Variants in ATP8A1 observed in about 807,000 individuals in gnomAD.
ATP8A1 encodes phospholipid-transporting ATPase IA.
Under a neutral mutation model 177.7 loss-of-function variants are expected in ATP8A1, and 90 were observed. That is an observed-to-expected ratio of 0.51 (90% CI 0.43 to 0.60). The LOEUF (loss-of-function observed/expected upper bound fraction) is 0.60, where lower values mean the gene tolerates loss of function less well. Ranked by LOEUF, ATP8A1 falls within the 20% of genes least tolerant of loss-of-function variation. The pLI is 0.00. For missense variants in ATP8A1, 1,072 were observed against 1,392.8 expected (o/e 0.77, Z 3.67); for synonymous variants, 493 against 485.9 (o/e 1.01, Z -0.19).
chr4:42,576,169 A>G (rs1732423254), intron 12 of ATP8A1, among the ~76,000 whole-genome samples: 1 of 152,134 alleles, frequency 6.6e-6, no homozygotes, highest in Non-Finnish European at 1.5e-5. Flanking sequence ...TGGGCCAAGA[A>G]AGAAAAACAA....
chr4:42,412,682 C>T lies in ATP8A1; in HGVS notation c.*234G>A, dbSNP rs1429432113. The T allele has an allele frequency of 1.3e-5, 5 of 381,416 alleles. No individual in the cohort carries two copies. The highest frequency in any genetic ancestry group is 5.7e-5 in the South Asian group (1 of 17,648). 23.6% of individuals were successfully genotyped at this position (381,416 alleles called of 1,614,324 possible). ...AAGATACCAGGTCATTTTCAATTTC[C>T]GTTTACAAAGACTTAGCAAATACCT... is the stretch of plus-strand genomic sequence containing the variant. On this transcript the variant is annotated 3_prime_UTR_variant, in exon 37 of 37. Transcript: ENST00000381668.
intron 6 of ATP8A1, among the ~76,000 whole-genome samples, chr4:42,595,472 T>C (rs951420601): frequency 7.9e-5 from 12 of 152,118 alleles, no homozygotes; most frequent in African/African-American, 2.7e-4. Context: ...AATCTGAAAG[T>C]TGGACTAGCT....
chr4:42,519,843 T>TA (rs1285838705), intron 22 of ATP8A1, among the ~76,000 whole-genome samples: 2 of 152,112 alleles, frequency 1.3e-5, no homozygotes, highest in Non-Finnish European at 2.9e-5. Context: ...TTATTTTAGG[T>TA]AAAAAACAGT....
chr4:42,582,609 C>A (rs111946169), intron 9 of ATP8A1, among the ~76,000 whole-genome samples: 1 of 151,186 alleles, frequency 6.6e-6, no homozygotes, highest in Non-Finnish European at 1.5e-5. Flanking sequence ...ATTTGCATTG[C>A]CAGCCCTGAC....
intron 1 of ATP8A1, among the ~76,000 whole-genome samples, chr4:42,649,373 T>C (rs1740861777): frequency 6.6e-6 from 1 of 152,198 alleles, no homozygotes. Context: ...GATTACCTCA[T>C]TCTTCCTAAC....
chr4:42,579,318 G>C (rs1483434182), intron 11 of ATP8A1, among the ~76,000 whole-genome samples: 1 of 147,212 alleles, frequency 6.8e-6, no homozygotes, highest in Non-Finnish European at 1.5e-5. Context: ...ACCACTTTTT[G>C]GTACTTTTAT....
chr4:42,630,392 A>C (rs774264369), intron 1 of ATP8A1, among the ~76,000 whole-genome samples: 7 of 151,928 alleles, frequency 4.6e-5, no homozygotes, highest in African/African-American at 1.7e-4. Context: ...ACCTGTCTGA[A>C]CTCCTAAGGA....
intron 1 of ATP8A1, among the ~76,000 whole-genome samples, chr4:42,632,631 C>G (rs991383027): frequency 2.0e-5 from 3 of 152,150 alleles, no homozygotes; most frequent in Non-Finnish European, 4.4e-5. Context: ...AAGCAACATC[C>G]TTCTGGTGAC....
intron 25 of ATP8A1, among the ~76,000 whole-genome samples, chr4:42,474,397 A>G (rs991288607): frequency 5.3e-5 from 8 of 152,196 alleles, no homozygotes; most frequent in African/African-American, 1.4e-4. Context: ...ACTCATTCCA[A>G]CTGTAGAGTT....
intron 31 of ATP8A1, among the ~76,000 whole-genome samples, chr4:42,446,216 C>T (rs111822299): frequency 6.6e-6 from 1 of 152,020 alleles, no homozygotes; most frequent in Non-Finnish European, 1.5e-5. Context: ...CTACCCACTG[C>T]TCTGCTTTCG....
At chr4:42,557,562 T>G (rs752407691) in intron 15 of ATP8A1, among the ~76,000 whole-genome samples, 1 of 152,226 alleles carries the variant, frequency 6.6e-6, no homozygotes, top group Non-Finnish European at 1.5e-5. Context: ...ATTCTTTCAT[T>G]TTATAAATCA....
At chr4:42,559,478 T>C (rs1730588936) in intron 15 of ATP8A1, among the ~76,000 whole-genome samples, 1 of 152,230 alleles carries the variant, frequency 6.6e-6, no homozygotes, top group African/African-American at 2.4e-5. Flanking sequence ...TTGACAACTT[T>C]GTGCTGTTGT....
Position 42,588,349 on chromosome 4 carries a change from A to G in ATP8A1, c.525-20T>C. 5 of 1,603,788 alleles carry G rather than the reference A, an allele frequency of 3.1e-6. No homozygotes were observed. Among genetic ancestry groups the G allele is most frequent in the South Asian group, 1.1e-5 (1 of 90,306 alleles). Reference sequence around the variant, plus strand: ...GGCTCACTGTAGTTTGGAGTTGAGAAGCACAAAGATTTAGTGCGGGAAGAA... The same window carrying G: ...GGCTCACTGTAGTTTGGAGTTGAGAGGCACAAAGATTTAGTGCGGGAAGAA... On this transcript the variant is annotated intron_variant, in intron 7 of 36. Transcript: ENST00000381668.
chr4:42,503,497 A>C lies in ATP8A1; in HGVS notation c.2104T>G (p.Leu702Val). The change falls in exon 24 of 37, where the codon TTG becomes GTG. Residue 702 changes from leucine to valine, a missense_variant. By Grantham distance (32) the Leu-to-Val change is conservative. Coordinates refer to ENST00000381668, the MANE Select transcript of ATP8A1 (RefSeq NM_006095.2). ...ACAATCATTCCCATGTTCTTCTTCA[A>C]CAGTTTGCAGGAGTGTCCTGTATCC... ...AINIGHSCKL[L>V]KKNMGMIVIN... 1 of 1,607,936 alleles carries C rather than the reference A, an allele frequency of 6.2e-7. No individual in the cohort carries two copies. The highest frequency in any genetic ancestry group is 8.5e-7 in the Non-Finnish European group (1 of 1,176,034).
intron 35 of ATP8A1, among the ~76,000 whole-genome samples, chr4:42,416,049 A>T (rs901406467): frequency 1.3e-5 from 2 of 152,240 alleles, no homozygotes. Context: ...CAGTTCTGCA[A>T]ATAGTTGTAA....
At chr4:42,541,236 C>G (rs1728357957) in intron 20 of ATP8A1, among the ~76,000 whole-genome samples, 1 of 152,136 alleles carries the variant, frequency 6.6e-6, no homozygotes, top group Non-Finnish European at 1.5e-5. Context: ...TACCTCATCA[C>G]AGAAGACATA....
intron 7 of ATP8A1, among the ~76,000 whole-genome samples, chr4:42,590,518 G>A (rs1040812389): frequency 2.0e-5 from 3 of 152,050 alleles, no homozygotes; most frequent in Non-Finnish European, 2.9e-5. Flanking sequence ...TATTAAATAC[G>A]AATATATATT....
intron 15 of ATP8A1, among the ~76,000 whole-genome samples, chr4:42,567,949 T>C (rs1008611241): frequency 3.3e-5 from 5 of 152,208 alleles, no homozygotes; most frequent in Non-Finnish European, 7.3e-5. Context: ...TCTATGCTAA[T>C]GAACAATATT....
At chr4:42,545,574 A>G (rs1728820267) in intron 19 of ATP8A1, among the ~76,000 whole-genome samples, 1 of 152,182 alleles carries the variant, frequency 6.6e-6, no homozygotes, top group Admixed American at 6.5e-5. Context: ...GCTCTCTTGC[A>G]CTGTGCAGGG....
Sources: allele counts gnomAD v4.1 joint callset (sites outside exome capture counted in the v4.1 genomes callset), GRCh38; gene constraint gnomAD v4.1.1; transcripts MANE v1.5; gene names NCBI Gene and HGNC (gene_info 2026-07-23, HGNC 2026-07-21).